SVIP: variants seen among roughly 807,000 people sequenced by gnomAD.
The protein encoded by SVIP is small VCP/p97-interacting protein.
A neutral mutation model predicts 12.9 loss-of-function variants in SVIP; 14 were observed. The observed-to-expected ratio is 1.08, with a 90% confidence interval of 0.72 to 1.70. SVIP has a LOEUF of 1.70. Among genes scored for constraint, SVIP ranks in the 40% most tolerant of loss-of-function variants. SVIP has a pLI of 0.00. For synonymous variants in SVIP, 35 were observed against 33.3 expected, an observed-to-expected ratio of 1.05 and a Z score of -0.17; for missense variants, 93 against 90.8, an observed-to-expected ratio of 1.02 and a Z score of -0.10.
At chr11:22,826,683 A>T (rs1857717729) in intron 3 of SVIP, among the ~76,000 whole-genome samples, 1 of 152,160 alleles carries the variant, frequency 6.6e-6, no homozygotes, top group African/African-American at 2.4e-5. Context: ...AGGTATGTGT[A>T]TGATACCCAC....
In SVIP at chr11:22,819,615, A is replaced by G. The variant is rs12793554; in HGVS notation, c.*3504T>C. 6.6e-6 allele frequency: 1 copy of G among 152,178 alleles called. No individual in the cohort carries two copies. The highest frequency in any genetic ancestry group is 2.4e-5 in the African/African-American group (1 of 41,434). 9.4% of individuals were successfully genotyped at this position (152,178 alleles called of 1,614,324 possible). A position where few individuals can be genotyped will look rare whatever the true frequency, so the allele number is the denominator to read the frequency against. ...TGGAGAAACCCTGTCTCTACTAAAAACACAAAATTAGTCAGGCGTGGTGGC... is the reference window on the plus strand; with the variant it reads ...TGGAGAAACCCTGTCTCTACTAAAAGCACAAAATTAGTCAGGCGTGGTGGC... On this transcript the variant is annotated 3_prime_UTR_variant, in exon 4 of 4. Coordinates refer to ENST00000354193, the MANE Select transcript of SVIP (RefSeq NM_148893.3).
Sources: gnomAD v4.1 joint callset for allele counts (sites outside exome capture counted in the v4.1 genomes callset) on GRCh38, gnomAD v4.1.1 for gene constraint, MANE v1.5 for transcripts, NCBI Gene and HGNC (gene_info 2026-07-23, HGNC 2026-07-21) for gene names.